Variants in ADAMTSL1 observed in about 807,000 individuals in gnomAD.
ADAMTSL1 encodes ADAMTS-like protein 1.
A neutral mutation model predicts 201.8 loss-of-function variants in ADAMTSL1; 126 were observed. The ratio of observed to expected loss-of-function variants is 0.62; its 90% CI spans 0.54 to 0.72. ADAMTSL1 has a LOEUF of 0.72. ADAMTSL1 is among the 30% of genes least tolerant of loss of function. The pLI, the probability that ADAMTSL1 is intolerant of heterozygous loss-of-function variation, is 0.00. For missense variants in ADAMTSL1, 2,679 were observed against 2,277.8 expected, an observed-to-expected ratio of 1.18 and a Z score of -3.59; for synonymous variants, 1,121 against 903.4, an observed-to-expected ratio of 1.24 and a Z score of -4.32.
At chr9:18,320,690 T>C (rs73643240) in intron 2 of ADAMTSL1, among the ~76,000 whole-genome samples, 4,682 of 152,270 alleles carry the variant, frequency 0.031, 245 homozygotes, top group African/African-American at 0.11. Flanking sequence ...ATGGGAAATA[T>C]ATTAAAATAT....
At chr9:18,099,775 C>T (rs1000189141) in intron 1 of ADAMTSL1, among the ~76,000 whole-genome samples, 6 of 151,570 alleles carry the variant, frequency 4.0e-5, no homozygotes, top group Non-Finnish European at 7.4e-5. Context: ...TACAGGCTCC[C>T]GCCAACATGC....
intron 2 of ADAMTSL1, among the ~76,000 whole-genome samples, chr9:18,180,980 C>T (rs1466132941): frequency 7.9e-5 from 12 of 152,050 alleles, no homozygotes; most frequent in Admixed American, 2.6e-4. Flanking sequence ...GAAATAACAC[C>T]GCATATCTAC....
chr9:17,971,719 G>A (rs1370079436), intron 1 of ADAMTSL1, among the ~76,000 whole-genome samples: 1 of 151,690 alleles, frequency 6.6e-6, no homozygotes, highest in Non-Finnish European at 1.5e-5. Context: ...GTTTTGTTTT[G>A]GTAGTTCTTC....
intron 5 of ADAMTSL1, among the ~76,000 whole-genome samples, chr9:18,624,054 C>T (rs1371677275): frequency 1.3e-5 from 2 of 151,846 alleles, no homozygotes; most frequent in Non-Finnish European, 2.9e-5. Flanking sequence ...GGATTAGCCT[C>T]GAGGTAAAAA....
At chr9:18,862,111 G>A (rs1827250885) in intron 23 of ADAMTSL1, among the ~76,000 whole-genome samples, 1 of 152,320 alleles carries the variant, frequency 6.6e-6, no homozygotes, top group Non-Finnish European at 1.5e-5. Flanking sequence ...GCCCAGTGAG[G>A]CCTCCCGGGA....
intron 20 of ADAMTSL1, among the ~76,000 whole-genome samples, chr9:18,814,443 G>A (rs895421346): frequency 2.0e-5 from 3 of 152,140 alleles, no homozygotes; most frequent in South Asian, 2.1e-4. Context: ...TACAGAATGA[G>A]ATAAAATATT....
At position 18,085,482 on chromosome 9, in the gene ADAMTSL1, C is replaced by CATAT. The variant is rs371256393; in HGVS notation, c.88-78366_88-78363dup. Reference sequence around the variant, plus strand: ...ATACACAAATACACATATGTGTGTGCATATATATATATATATACTGTGTGT... The same window carrying CATAT: ...ATACACAAATACACATATGTGTGTGCATATATATATATATATATATACTGTGTGT... On this transcript the variant is annotated intron_variant, in intron 1 of 29. Coordinates refer to the ADAMTSL1 transcript ENST00000680146. Among the ~76,000 whole-genome samples the CATAT allele has an allele frequency of 4.0e-4, 18 of 45,256 alleles. No homozygotes were observed. The East Asian group carries it at 4.8e-3, about 12-fold the overall frequency. 29.7% of individuals were successfully genotyped at this position (45,256 alleles called of 152,430 possible). A position where few individuals can be genotyped will look rare whatever the true frequency, so the allele number is the denominator to read the frequency against.
At chr9:18,632,229 C>A (rs1187493836) in intron 5 of ADAMTSL1, among the ~76,000 whole-genome samples, 2 of 152,220 alleles carry the variant, frequency 1.3e-5, no homozygotes, top group East Asian at 3.8e-4. Context: ...CATCCCAAAT[C>A]ATTGAGGATT....
At chr9:18,326,190 A>T (rs1302026628) in intron 2 of ADAMTSL1, among the ~76,000 whole-genome samples, 1 of 152,218 alleles carries the variant, frequency 6.6e-6, no homozygotes, top group East Asian at 1.9e-4. Context: ...AGTCAAAAAT[A>T]TTCAAACCAT....
chr9:18,781,747 A>G (rs949257451), intron 19 of ADAMTSL1, among the ~76,000 whole-genome samples: 1 of 152,230 alleles, frequency 6.6e-6, no homozygotes, highest in African/African-American at 2.4e-5. Context: ...GAGCATCTGC[A>G]AGATTCAGCT....
At chr9:18,182,350 T>A (rs1237208470) in intron 2 of ADAMTSL1, among the ~76,000 whole-genome samples, 2 of 152,070 alleles carry the variant, frequency 1.3e-5, no homozygotes, top group Non-Finnish European at 2.9e-5. Context: ...AACTACTTAA[T>A]TGTATACCCT....
chr9:18,656,570 A>G (rs1181248294), intron 7 of ADAMTSL1, among the ~76,000 whole-genome samples: 2 of 143,958 alleles, frequency 1.4e-5, no homozygotes, highest in African/African-American at 2.5e-5. Flanking sequence ...CGGAGCTGGC[A>G]GTGAGCCGGG....
chr9:18,240,694 A>T (rs1831027265), intron 2 of ADAMTSL1, among the ~76,000 whole-genome samples: 1 of 152,242 alleles, frequency 6.6e-6, no homozygotes, highest in Non-Finnish European at 1.5e-5. Flanking sequence ...AAAGTACTCC[A>T]GAGGGAGTAC....
At chr9:18,158,763 C>A (rs1211278150) in intron 1 of ADAMTSL1, among the ~76,000 whole-genome samples, 2 of 151,958 alleles carry the variant, frequency 1.3e-5, no homozygotes, top group South Asian at 4.1e-4. Context: ...CCTTTGTGTG[C>A]ATGTCCTTCC....
At chr9:18,629,686 G>T (rs966242214) in intron 5 of ADAMTSL1, among the ~76,000 whole-genome samples, 1 of 152,092 alleles carries the variant, frequency 6.6e-6, no homozygotes, top group Admixed American at 6.6e-5. Flanking sequence ...AGAGATACTG[G>T]TCTGTCGTAT....
intron 1 of ADAMTSL1, among the ~76,000 whole-genome samples, chr9:18,136,280 T>G (rs1203131652): frequency 6.6e-6 from 1 of 152,220 alleles, no homozygotes; most frequent in African/African-American, 2.4e-5. Flanking sequence ...GGATTCATTT[T>G]CATAATTGCT....
At chr9:18,344,879 A>C (rs1474671485) in intron 2 of ADAMTSL1, among the ~76,000 whole-genome samples, 1 of 152,176 alleles carries the variant, frequency 6.6e-6, no homozygotes, top group Non-Finnish European at 1.5e-5. Context: ...GAAGCCCAGC[A>C]GGGGACCTTG....
intron 3 of ADAMTSL1, among the ~76,000 whole-genome samples, chr9:18,556,450 C>G (rs1489602793): frequency 6.6e-6 from 1 of 151,766 alleles, no homozygotes. Context: ...TCAGTCTTTC[C>G]CCTTCTTTAC....
At chr9:18,499,499 G>C (rs1055132991) in intron 1 of ADAMTSL1, among the ~76,000 whole-genome samples, 18 of 152,216 alleles carry the variant, frequency 1.2e-4, no homozygotes, top group African/African-American at 4.3e-4. Context: ...TGTTTCCAAA[G>C]CTTCAGACAT....
Sources: gnomAD v4.1 joint callset for allele counts (sites outside exome capture counted in the v4.1 genomes callset) on GRCh38, gnomAD v4.1.1 for gene constraint, MANE v1.5 for transcripts, NCBI Gene and HGNC (gene_info 2026-07-23, HGNC 2026-07-21) for gene names.